The following YLPM1 variants were observed in gnomAD, a reference collection of about 807,000 sequenced individuals.
YLPM1 encodes YLP motif containing 1, also known as YLP motif-containing protein 1.
A neutral mutation model predicts 230.0 loss-of-function variants in YLPM1; 99 were observed. The ratio of observed to expected loss-of-function variants is 0.43; its 90% CI spans 0.37 to 0.51. YLPM1 has a LOEUF of 0.51. YLPM1 is among the 20% of genes least tolerant of loss of function. YLPM1 has a pLI of 0.00. For synonymous variants in YLPM1, 984 were observed against 942.5 expected, an observed-to-expected ratio of 1.04 and a Z score of -0.81; for missense variants, 2,592 against 2,707.7, an observed-to-expected ratio of 0.96 and a Z score of 0.95.
At chr14:74,789,648 G>T (rs1283769591) in intron 4 of YLPM1, among the ~76,000 whole-genome samples, 1 of 148,208 alleles carries the variant, frequency 6.7e-6, no homozygotes, top group Admixed American at 6.7e-5. Context: ...TTTTATTGAG[G>T]CAGGGTCTTT....
At chr14:74,780,680 C>T (rs1594813763) in intron 3 of YLPM1, 96 bp downstream of exon 3, 1 of 1,486,574 alleles carries the variant, frequency 6.7e-7, no homozygotes, top group East Asian at 2.4e-5. Flanking sequence ...CAAAAGATAC[C>T]AACTGTTGAC....
Position 74,816,952 on chromosome 14 carries a change from G to T in YLPM1, c.5707G>T (p.Ala1903Ser), listed in dbSNP as rs1379677571. The T allele has an allele frequency of 6.3e-7, 1 of 1,584,350 alleles. No individual in the cohort carries two copies. Among genetic ancestry groups the T allele is most frequent in the Non-Finnish European group, 8.6e-7 (1 of 1,169,410 alleles). Residue 1903 changes from alanine to serine, a missense_variant, in exon 14 of 21, where the codon GCT becomes TCT. This residue lies in a region of YLPM1 where 315 missense variants were observed against 429.3 expected (regional missense o/e 0.73). Coordinates refer to ENST00000325680, the MANE Select transcript of YLPM1 (RefSeq NM_019589.3). The stretch of plus-strand genomic sequence containing the variant: ...TTAGGTAATGGAATATGAATATGAA[G>T]CTGAGATGGAGGAGACTTACCGCAC... ...KKKVMEYEYE[A>S]EMEETYRTSM... is the part of the protein sequence containing the mutation.
In YLPM1 at chr14:74,810,015, G is replaced by A. The variant is rs1448405266; in HGVS notation, c.5032+13G>A. 1 of 1,585,334 alleles carries A rather than the reference G, an allele frequency of 6.3e-7. No individual in the cohort carries two copies. Among genetic ancestry groups the A allele is most frequent in the East Asian group, 2.3e-5 (1 of 44,278 alleles). On this transcript the variant is annotated intron_variant, in intron 8 of 20. Transcript: ENST00000325680. Reference sequence around the variant, plus strand: ...ACTTTTGAGACAGGTAGGATTCCCAGAGAGGTCAGTATTTTTAAACATTTT... The same window carrying A: ...ACTTTTGAGACAGGTAGGATTCCCAAAGAGGTCAGTATTTTTAAACATTTT...
Position 74,816,631 on chromosome 14 carries a change from A to G in YLPM1, c.5626A>G (p.Ile1876Val). Residue 1876 changes from isoleucine to valine, a missense_variant, in exon 13 of 21, where the codon ATC (isoleucine) becomes GTC (valine). By Grantham distance (29) the Ile-to-Val change is conservative (BLOSUM62 3). Coordinates refer to ENST00000325680, the MANE Select transcript of YLPM1 (RefSeq NM_019589.3). Reference protein sequence around the residue: ...PRVLSLDDYFITEVEKEEKDP... With the variant: ...PRVLSLDDYFVTEVEKEEKDP... Reference sequence around the variant, plus strand: ...AGTTCTAAGCCTGGATGATTACTTCATCACTGAAGTGGAAAAAGAAGAAAA... The same window carrying G: ...AGTTCTAAGCCTGGATGATTACTTCGTCACTGAAGTGGAAAAAGAAGAAAA... The G allele has an allele frequency of 6.2e-7, 1 of 1,613,796 alleles. No individual in the cohort carries two copies. The highest frequency in any genetic ancestry group is 1.1e-5 in the South Asian group (1 of 91,036).
chr14:74,793,659 T>C (rs977766400), intron 4 of YLPM1, among the ~76,000 whole-genome samples: 2 of 152,224 alleles, frequency 1.3e-5, no homozygotes, highest in Non-Finnish European at 1.5e-5. Context: ...TGTGCATTTA[T>C]GTTTAAGCAT....
chr14:74,830,271 A>G (rs964504036), intron 19 of YLPM1, among the ~76,000 whole-genome samples: 14 of 152,220 alleles, frequency 9.2e-5, no homozygotes, highest in Non-Finnish European at 1.5e-5. Context: ...CAGCATATAT[A>G]GGCAACTTTT....
At chr14:74,771,949 A>C (rs2090980745) in intron 1 of YLPM1, among the ~76,000 whole-genome samples, 1 of 152,202 alleles carries the variant, frequency 6.6e-6, no homozygotes, top group Middle Eastern at 3.2e-3. Context: ...ATTTTAAATA[A>C]ATTTCTAAAA....
intron 1 of YLPM1, among the ~76,000 whole-genome samples, chr14:74,766,287 A>G (rs1382875451): frequency 2.0e-5 from 3 of 152,178 alleles, no homozygotes; most frequent in South Asian, 4.1e-4. Context: ...GTCTCTGGCA[A>G]TCCTTCTACA....
intron 9 of YLPM1, 113 bp from the exon 10 acceptor site, chr14:74,811,507 T>C (rs2091434650): frequency 2.9e-6 from 2 of 683,592 alleles, no homozygotes; most frequent in Non-Finnish European, 4.9e-6. Flanking sequence ...AAACATTTAC[T>C]GTGTGGAGTA....
rs2091423208 is a variant in YLPM1 at position 74,810,409 on chromosome 14, C to T, written c.5217C>T (p.Pro1739=). The T allele has an allele frequency of 6.2e-7, 1 of 1,611,976 alleles. No individual in the cohort carries two copies. Among genetic ancestry groups the T allele is most frequent in the East Asian group, 2.2e-5 (1 of 44,762 alleles). ...ATCGATTTGACAGAGAACGCCGACC[C>T]CGAGATGATAGGTATGCTATAAAAC... ...DRDRFDRERR[P]RDDRAQSYRD... The change falls in exon 9 of 21, where the codon CCC becomes CCT. Residue 1739 remains proline, a synonymous_variant. Transcript: ENST00000325680.
intron 6 of YLPM1, among the ~76,000 whole-genome samples, chr14:74,803,691 A>G (rs1463558227): frequency 6.6e-6 from 1 of 152,014 alleles, no homozygotes; most frequent in Non-Finnish European, 1.5e-5. Context: ...CCTCACCATC[A>G]CCTAGTCACC....
intron 5 of YLPM1, among the ~76,000 whole-genome samples, chr14:74,802,148 G>A (rs1295116212): frequency 4.0e-5 from 6 of 151,576 alleles, no homozygotes; most frequent in Admixed American, 6.6e-5. Context: ...AACCCGGGAG[G>A]CAGAGGTTGT....
rs759288330 is a variant in YLPM1 at position 74,764,017 on chromosome 14, C to G, written c.528C>G (p.Pro176=). Reference sequence around the variant, plus strand: ...CTCAGCCGCCACCCTCTTACTACCCCCCGACCTCATCTCAGCCCTACCTGC... The same window carrying G: ...CTCAGCCGCCACCCTCTTACTACCCGCCGACCTCATCTCAGCCCTACCTGC... ...PPPQPPPSYY[P]PTSSQPYLPP... Residue 176 remains proline, a synonymous_variant, in exon 1 of 21, where the codon CCC becomes CCG. Transcript: ENST00000325680. 1.6e-5 allele frequency: 26 copies of G among 1,608,968 alleles called. No individual in the cohort carries two copies. In the Admixed American group the frequency reaches 2.9e-4, roughly 18 times the overall value.
At chr14:74,813,987 C>T (rs757375902) in intron 11 of YLPM1, among the ~76,000 whole-genome samples, 7 of 152,174 alleles carry the variant, frequency 4.6e-5, no homozygotes, top group African/African-American at 2.4e-5. Context: ...ACCTCCAATG[C>T]AGTGTTGAAT....
intron 19 of YLPM1, among the ~76,000 whole-genome samples, chr14:74,833,310 G>A (rs2091621731): frequency 6.6e-6 from 1 of 152,128 alleles, no homozygotes; most frequent in Non-Finnish European, 1.5e-5. Context: ...GTACAGTGGT[G>A]TGATCTTGGC....
chr14:74,823,427 C>G (rs948366536), intron 17 of YLPM1, among the ~76,000 whole-genome samples: 21 of 152,112 alleles, frequency 1.4e-4, no homozygotes, highest in African/African-American at 5.1e-4. Context: ...CATATACTTG[C>G]TAGGTGAATA....
In YLPM1 at chr14:74,799,285, T is replaced by A. The variant is rs146755999; in HGVS notation, c.3988T>A (p.Ser1330Thr). 6.2e-7 allele frequency: 1 copy of A among 1,613,954 alleles called. No homozygotes were observed. The highest frequency in any genetic ancestry group is 8.5e-7 in the Non-Finnish European group (1 of 1,179,890). The part of the protein sequence containing the change: ...ESQFRERDIP[S>T]LPPLPPLPPL... ...ACAGTTTCGTGAACGGGATATTCCATCTCTTCCACCTTTACCGCCCCTCCC... is the reference window on the plus strand; with the variant it reads ...ACAGTTTCGTGAACGGGATATTCCAACTCTTCCACCTTTACCGCCCCTCCC... The change falls in exon 5 of 21, where the codon TCT (serine) becomes ACT (threonine). Residue 1330 changes from serine to threonine, a missense_variant. Ser to Thr is a moderately conservative substitution (Grantham distance 58). Transcript: ENST00000325680.
chr14:74,788,316 T>C (rs980038739), intron 4 of YLPM1, among the ~76,000 whole-genome samples: 1 of 152,106 alleles, frequency 6.6e-6, no homozygotes, highest in Non-Finnish European at 1.5e-5. Flanking sequence ...GAGACGGGGT[T>C]TCACCGTGTT....
At chr14:74,802,456 G>T (rs2091337182) in intron 5 of YLPM1, 100 bp from the exon 6 acceptor site, 2 of 1,405,652 alleles carry the variant, frequency 1.4e-6, no homozygotes, top group Middle Eastern at 2.1e-4. Context: ...TTAGGACAAG[G>T]ATTTTTTAGG....
Sources: allele counts gnomAD v4.1 joint callset (sites outside exome capture counted in the v4.1 genomes callset), GRCh38; gene constraint gnomAD v4.1.1; regional missense constraint gnomAD v4.1.1; transcripts MANE v1.5; gene names NCBI Gene and HGNC (gene_info 2026-07-23, HGNC 2026-07-21).